The following NNMT variants were observed in gnomAD, a reference collection of about 807,000 sequenced individuals.
NNMT encodes nicotinamide N-methyltransferase.
A neutral mutation model predicts 11.7 loss-of-function variants in NNMT; 10 were observed. The observed-to-expected ratio is 0.85, with a 90% CI of 0.53 to 1.45. NNMT has a LOEUF of 1.45. Among genes scored for constraint, NNMT ranks in the 40% most tolerant of loss-of-function variants. The pLI is 0.00. For missense variants in NNMT, 381 were observed against 319.4 expected, an observed-to-expected ratio of 1.19 and a Z score of -1.47; for synonymous variants, 143 against 133.8, an observed-to-expected ratio of 1.07 and a Z score of -0.48.
At chr11:114,288,657 C>T (rs1233601486) in intron 2 of NNMT, among the ~76,000 whole-genome samples, 2 of 152,078 alleles carry the variant, frequency 1.3e-5, no homozygotes, top group Non-Finnish European at 2.9e-5. Flanking sequence ...AGCAGCGTGA[C>T]CTGGGCAATT....
At chr11:114,268,552 C>T (rs937017745) in intron 2 of NNMT, among the ~76,000 whole-genome samples, 15 of 152,064 alleles carry the variant, frequency 9.9e-5, no homozygotes, top group Non-Finnish European at 1.5e-4. Context: ...GGGCGGATCA[C>T]GAGGTCAGGA....
At chr11:114,269,304 C>T (rs1258648158) in intron 2 of NNMT, among the ~76,000 whole-genome samples, 1 of 152,194 alleles carries the variant, frequency 6.6e-6, no homozygotes, top group South Asian at 2.1e-4. Flanking sequence ...CTCAACCTTA[C>T]CTTAATCCAT....
At chr11:114,300,791 C>T (rs1945430869) in intron 2 of NNMT, among the ~76,000 whole-genome samples, 1 of 152,148 alleles carries the variant, frequency 6.6e-6, no homozygotes, top group Admixed American at 6.6e-5. Flanking sequence ...TTATTTCCAG[C>T]AATGTATTTG....
intron 2 of NNMT, among the ~76,000 whole-genome samples, chr11:114,301,546 T>C (rs1945439305): frequency 6.6e-6 from 1 of 152,136 alleles, no homozygotes; most frequent in Non-Finnish European, 1.5e-5. Context: ...ATTCCAACTA[T>C]ATGACATTCT....
intron 1 of NNMT, 28 bp downstream of exon 1, chr11:114,296,738 A>T: frequency 6.2e-7 from 1 of 1,611,462 alleles, no homozygotes; most frequent in Non-Finnish European, 8.5e-7. Flanking sequence ...ATGTCTCCCC[A>T]CTAATGTGAG....
chr11:114,264,392 C>T (rs1945104915), intron 2 of NNMT, among the ~76,000 whole-genome samples: 1 of 152,134 alleles, frequency 6.6e-6, no homozygotes, highest in African/African-American at 2.4e-5. Flanking sequence ...GTGGTTCCAC[C>T]ATGCAAAATG....
rs74797167 is a variant in NNMT, at chr11:114,298,341, C to T, written c.362+183C>T. 8.0e-3 allele frequency: 4,728 copies of T among 587,642 alleles called. 165 individuals carry two copies. The highest frequency in any genetic ancestry group is 0.076 in the African/African-American group (4,079 of 53,668). The allele number at this position is 587,642 out of a possible 1,614,324, so 36.4% of individuals were successfully genotyped here. On this transcript the variant is annotated intron_variant, in intron 2 of 2. Transcript: ENST00000299964. ...ATGTTAGTAAATTTGTGTATGTGCACGTGCATGTGTGCACCAGAGTAATGG... is the reference window on the plus strand; with the variant it reads ...ATGTTAGTAAATTTGTGTATGTGCATGTGCATGTGTGCACCAGAGTAATGG...
intron 2 of NNMT, among the ~76,000 whole-genome samples, chr11:114,271,027 TCAG>T: frequency 6.6e-6 from 1 of 152,292 alleles, no homozygotes; most frequent in East Asian, 1.9e-4. Flanking sequence ...TCCACCTGCC[TCAG>T]CCTTCCAAAG....
In NNMT at chr11:114,313,462, G is replaced by A. The variant is rs1013388565; in HGVS notation, c.*985G>A. Among the ~76,000 whole-genome samples the A allele has an allele frequency of 2.0e-5, 3 of 152,084 alleles. No individual in the cohort carries two copies. The highest frequency in any genetic ancestry group is 6.6e-5 in the Admixed American group (1 of 15,262). ...CACCACTGTGTTCCAGACAGAGTGC[G>A]ATGCTGTCTCGAAAAAAGTAAAATA... On this transcript the variant is annotated 3_prime_UTR_variant, in exon 3 of 3. Transcript: ENST00000299964.
intron 2 of NNMT, among the ~76,000 whole-genome samples, chr11:114,310,201 C>G (rs935457590): frequency 2.0e-5 from 3 of 152,190 alleles, no homozygotes; most frequent in African/African-American, 7.2e-5. Flanking sequence ...TCCAAAGTAA[C>G]TGGACTATTT....
intron 2 of NNMT, among the ~76,000 whole-genome samples, chr11:114,290,561 A>G (rs973136811): frequency 1.3e-5 from 2 of 152,206 alleles, no homozygotes; most frequent in African/African-American, 4.8e-5. Context: ...GTGGAAAACT[A>G]GGGCTCAGCC....
chr11:114,309,083 C>G (rs556812882), intron 2 of NNMT, among the ~76,000 whole-genome samples: 1 of 152,272 alleles, frequency 6.6e-6, no homozygotes, highest in South Asian at 2.1e-4. Flanking sequence ...ACAATGTTCC[C>G]GTTATACAGG....
chr11:114,261,580 A>C (rs983309310), intron 1 of NNMT, among the ~76,000 whole-genome samples: 1 of 149,858 alleles, frequency 6.7e-6, no homozygotes, highest in Non-Finnish European at 1.5e-5. Flanking sequence ...GCGAAACTCC[A>C]TCTCAAAACA....
At chr11:114,284,904 G>C (rs879652060) in intron 2 of NNMT, among the ~76,000 whole-genome samples, 1 of 151,570 alleles carries the variant, frequency 6.6e-6, no homozygotes, top group South Asian at 2.1e-4. Flanking sequence ...CAAGTAGCTG[G>C]GATTACAGGT....
At chr11:114,263,968 T>A (rs1457158958) in intron 2 of NNMT, among the ~76,000 whole-genome samples, 1 of 152,090 alleles carries the variant, frequency 6.6e-6, no homozygotes, top group Non-Finnish European at 1.5e-5. Flanking sequence ...CTGTCTTTAA[T>A]CCCTGCCACT....
chr11:114,297,336 T>C (rs1945391511), intron 1 of NNMT: 1 of 152,144 alleles, frequency 6.6e-6, no homozygotes, highest in African/African-American at 2.4e-5. Flanking sequence ...TTTTTTCTTT[T>C]TGACTTTAAA....
chr11:114,261,869 T>A (rs556117125), intron 1 of NNMT, among the ~76,000 whole-genome samples: 1 of 152,302 alleles, frequency 6.6e-6, no homozygotes, highest in African/African-American at 2.4e-5. Context: ...GAAGCTGCTG[T>A]CAGTCAGCCC....
chr11:114,301,271 G>A (rs1945436954), intron 2 of NNMT, among the ~76,000 whole-genome samples: 1 of 152,160 alleles, frequency 6.6e-6, no homozygotes, highest in Admixed American at 6.5e-5. Context: ...ACACTCCTCA[G>A]TATGTAACCC....
At chr11:114,287,225 G>A (rs1298129618) in intron 2 of NNMT, among the ~76,000 whole-genome samples, 1 of 151,932 alleles carries the variant, frequency 6.6e-6, no homozygotes, top group South Asian at 2.1e-4. Flanking sequence ...GTCTTTGGTC[G>A]AACAGACATT....
Sources: allele counts gnomAD v4.1 joint callset (sites outside exome capture counted in the v4.1 genomes callset), GRCh38; gene constraint gnomAD v4.1.1; transcripts MANE v1.5; gene names NCBI Gene and HGNC (gene_info 2026-07-23, HGNC 2026-07-21).